MCTP1: variants seen among roughly 807,000 people sequenced by gnomAD.
MCTP1 encodes the protein multiple C2 and transmembrane domain containing 1.
MCTP1 carries 69 observed loss-of-function variants against 120.6 expected under a neutral mutation model. That is an observed-to-expected ratio of 0.57 (90% CI 0.47 to 0.70). The LOEUF (loss-of-function observed/expected upper bound fraction) is 0.70, where lower values mean the gene tolerates loss of function less well. Among genes scored for constraint, MCTP1 ranks in the 30% least tolerant of loss-of-function variants. The probability of loss-of-function intolerance (pLI) is 0.00; values close to 1 mark genes in which losing one functional copy is unlikely to be tolerated. For missense variants in MCTP1, 1,203 were observed against 1,248.8 expected (o/e 0.96, Z 0.55); for synonymous variants, 529 against 493.1 (o/e 1.07, Z -0.96).
intron 10 of MCTP1, among the ~76,000 whole-genome samples, chr5:94,904,280 C>T (rs1477019190): frequency 1.3e-5 from 2 of 152,100 alleles, no homozygotes; most frequent in African/African-American, 4.8e-5. Flanking sequence ...GGATTTGAGC[C>T]TCAGATCAAT....
chr5:95,058,469 C>T (rs999032414), intron 1 of MCTP1, among the ~76,000 whole-genome samples: 2 of 152,134 alleles, frequency 1.3e-5, no homozygotes, highest in Admixed American at 1.3e-4. Context: ...ACCTTACGAC[C>T]TTTGGCAACT....
chr5:94,878,048 C>T (rs1294443061), intron 12 of MCTP1, among the ~76,000 whole-genome samples: 1 of 152,056 alleles, frequency 6.6e-6, no homozygotes, highest in African/African-American at 2.4e-5. Context: ...TTTGGGCCTA[C>T]CTTGTACAAA....
At chr5:94,967,116 T>A (rs1418468269) in intron 2 of MCTP1, among the ~76,000 whole-genome samples, 1 of 152,210 alleles carries the variant, frequency 6.6e-6, no homozygotes, top group Non-Finnish European at 1.5e-5. Context: ...GCCTATACAC[T>A]CAGATGTTAA....
chr5:94,964,895 G>C (rs1253684636), intron 2 of MCTP1, among the ~76,000 whole-genome samples: 3 of 151,942 alleles, frequency 2.0e-5, no homozygotes, highest in Non-Finnish European at 4.4e-5. Context: ...CTGTTTTTTA[G>C]TTGTTTTGTA....
chr5:95,001,247 G>T (rs1304315526), intron 2 of MCTP1, among the ~76,000 whole-genome samples: 1 of 152,142 alleles, frequency 6.6e-6, no homozygotes. Flanking sequence ...TTTCTTCATA[G>T]CAGCATGAAA....
intron 1 of MCTP1, among the ~76,000 whole-genome samples, chr5:95,129,858 G>A (rs146390420): frequency 2.4e-3 from 369 of 152,116 alleles, no homozygotes; most frequent in African/African-American, 8.4e-3. Flanking sequence ...ACAGGGTTTC[G>A]CTGTGTTGGC....
intron 19 of MCTP1, 64 bp from the exon 20 acceptor site, chr5:94,714,950 G>GTGT (rs1426838798): frequency 9.6e-6 from 9 of 932,724 alleles, no homozygotes; most frequent in Non-Finnish European, 1.4e-5. Flanking sequence ...TGAATTCTTT[G>GTGT]TGTTGTCCCT....
intron 10 of MCTP1, among the ~76,000 whole-genome samples, chr5:94,898,972 A>G (rs563548563): frequency 6.6e-6 from 1 of 152,304 alleles, no homozygotes; most frequent in Non-Finnish European, 1.5e-5. Context: ...TTGCAATTCC[A>G]CAAATCAAAA....
At chr5:94,950,932 G>A (rs1354531199) in intron 3 of MCTP1, among the ~76,000 whole-genome samples, 4 of 141,812 alleles carry the variant, frequency 2.8e-5, no homozygotes, top group Non-Finnish European at 4.6e-5. Flanking sequence ...GGGCGACAGA[G>A]CAAGACTCTG....
intron 1 of MCTP1, among the ~76,000 whole-genome samples, chr5:95,073,058 G>T (rs1562113525): frequency 6.6e-6 from 1 of 152,098 alleles, no homozygotes; most frequent in Non-Finnish European, 1.5e-5. Flanking sequence ...TCTTTCTCAA[G>T]CCCTGTGCCA....
chr5:94,972,343 G>C (rs1274937609), intron 2 of MCTP1, among the ~76,000 whole-genome samples: 2 of 151,074 alleles, frequency 1.3e-5, no homozygotes, highest in African/African-American at 4.9e-5. Flanking sequence ...GTGGCAGGTT[G>C]AACCCTTAAC....
chr5:95,207,894 T>A (rs1447742421), intron 1 of MCTP1, among the ~76,000 whole-genome samples: 1 of 135,524 alleles, frequency 7.4e-6, no homozygotes, highest in Non-Finnish European at 1.5e-5. Flanking sequence ...AGTCACTTTG[T>A]AACAAATCCA....
At chr5:95,100,148 A>G (rs1397028594) in intron 1 of MCTP1, among the ~76,000 whole-genome samples, 2 of 149,262 alleles carry the variant, frequency 1.3e-5, no homozygotes, top group Non-Finnish European at 3.0e-5. Flanking sequence ...GGGGAGGGAT[A>G]GCATTGGGAG....
intron 17 of MCTP1, among the ~76,000 whole-genome samples, chr5:94,803,053 G>A (rs1781533294): frequency 6.6e-6 from 1 of 152,050 alleles, no homozygotes; most frequent in South Asian, 2.1e-4. Context: ...TAAGGAAACA[G>A]GCTGTCTACA....
intron 8 of MCTP1, among the ~76,000 whole-genome samples, chr5:94,916,778 C>A (rs1345765511): frequency 6.6e-6 from 1 of 152,190 alleles, no homozygotes; most frequent in Non-Finnish European, 1.5e-5. Flanking sequence ...TCCTCTGACC[C>A]CATCTAGACT....
At chr5:95,141,363 CT>C (rs747112658) in intron 1 of MCTP1, among the ~76,000 whole-genome samples, 8 of 152,228 alleles carry the variant, frequency 5.3e-5, no homozygotes, top group Non-Finnish European at 1.0e-4. Context: ...TTTAAAAACA[CT>C]TCAGTAATCC....
At chr5:95,054,926 G>A (rs1395096900) in intron 1 of MCTP1, among the ~76,000 whole-genome samples, 2 of 152,048 alleles carry the variant, frequency 1.3e-5, no homozygotes, top group Non-Finnish European at 2.9e-5. Flanking sequence ...TCCTGCCTCA[G>A]CCTCCCGAGT....
intron 11 of MCTP1, among the ~76,000 whole-genome samples, chr5:94,891,446 A>T (rs543257829): frequency 8.5e-5 from 13 of 152,306 alleles, no homozygotes; most frequent in African/African-American, 3.1e-4. Flanking sequence ...GACCCTAATG[A>T]TGGGGAATAG....
rs895718488 is a variant in MCTP1 at position 95,078,484 on chromosome 5, C to T, written c.721-61000G>A. 5.3e-5 allele frequency among the ~76,000 whole-genome samples: 8 copies of T among 152,228 alleles called. 1 individual carries two copies. The highest frequency in any genetic ancestry group is 1.9e-4 in the East Asian group (1 of 5,184). On this transcript the variant is annotated intron_variant, in intron 1 of 22. Coordinates refer to ENST00000515393, the MANE Select transcript of MCTP1 (RefSeq NM_024717.7). ...GTATGCTCATTCCAGACATATTTTGCGTTAATAAAAGCCCCCATCTTATGT... is the reference window on the plus strand; with the variant it reads ...GTATGCTCATTCCAGACATATTTTGTGTTAATAAAAGCCCCCATCTTATGT...
Sources: gnomAD v4.1 joint callset for allele counts (sites outside exome capture counted in the v4.1 genomes callset) on GRCh38, gnomAD v4.1.1 for gene constraint, MANE v1.5 for transcripts, NCBI Gene and HGNC (gene_info 2026-07-23, HGNC 2026-07-21) for gene names.